The following CDH2 variants were observed in gnomAD, a reference collection of about 807,000 sequenced individuals.
CDH2 encodes the protein cadherin 2.
Under a neutral mutation model 92.0 loss-of-function variants are expected in CDH2, and 17 were observed. That is an observed-to-expected ratio of 0.18 (90% confidence interval 0.13 to 0.28). CDH2 has a LOEUF of 0.28. CDH2 is among the 10% of genes least tolerant of loss of function. The pLI, the probability that CDH2 is intolerant of heterozygous loss-of-function variation, is 1.00. For missense variants in CDH2, 862 were observed against 1,133.1 expected (o/e 0.76, Z 3.44); for synonymous variants, 419 against 415.9 (o/e 1.01, Z -0.09).
chr18:28,062,027 C>A (rs2014413609), intron 2 of CDH2, among the ~76,000 whole-genome samples: 2 of 152,172 alleles, frequency 1.3e-5, no homozygotes, highest in African/African-American at 4.8e-5. Context: ...GTACACAGCC[C>A]TCATTCCTTT....
chr18:28,002,010 T>C (rs1463607189), intron 7 of CDH2, among the ~76,000 whole-genome samples: 2 of 152,126 alleles, frequency 1.3e-5, no homozygotes, highest in African/African-American at 2.4e-5. Flanking sequence ...AAAGCACAGA[T>C]CTCCCTATGA....
At position 27,952,283 on chromosome 18, in the gene CDH2, C is replaced by T. The variant is rs200803866; in HGVS notation, c.2591G>A (p.Gly864Asp). 2.5e-6 allele frequency: 4 copies of T among 1,613,534 alleles called. No individual in the cohort carries two copies. The highest frequency in any genetic ancestry group is 1.6e-4 in the Middle Eastern group (1 of 6,080). The change falls in exon 16 of 16, where the codon GGC becomes GAC. Residue 864 changes from glycine to aspartate, a missense_variant. Physicochemically the swap from Gly to Asp is moderately conservative, Grantham distance 94. This residue lies in a region of CDH2 where 114 missense variants were observed against 144.8 expected (regional missense o/e 0.79). Coordinates refer to ENST00000269141, the MANE Select transcript of CDH2 (RefSeq NM_001792.5). Reference protein sequence around the residue: ...SLLVFDYEGSGSTAGSLSSLN... With the variant: ...SLLVFDYEGSDSTAGSLSSLN... ...GGAGCTCAAGGACCCAGCAGTGGAG[C>T]CACTGCCTTCATAGTCAAACACTAA...
intron 14 of CDH2, among the ~76,000 whole-genome samples, chr18:27,977,713 C>T (rs1287245545): frequency 6.6e-6 from 1 of 152,124 alleles, no homozygotes; most frequent in African/African-American, 2.4e-5. Context: ...ACTTTTAAAG[C>T]TCAATAAACA....
intron 2 of CDH2, among the ~76,000 whole-genome samples, chr18:28,068,389 A>G (rs1267784809): frequency 6.6e-6 from 1 of 152,138 alleles, no homozygotes; most frequent in Non-Finnish European, 1.5e-5. Flanking sequence ...AGAACTTGTC[A>G]GTACGCACTG....
intron 2 of CDH2, among the ~76,000 whole-genome samples, chr18:28,103,344 T>C (rs973727143): frequency 7.1e-6 from 1 of 141,722 alleles, no homozygotes; most frequent in East Asian, 2.0e-4. Context: ...TTTATATATA[T>C]AAAGTATATA....
chr18:28,173,054 T>C (rs1301724451), intron 1 of CDH2, among the ~76,000 whole-genome samples: 1 of 152,154 alleles, frequency 6.6e-6, no homozygotes, highest in East Asian at 1.9e-4. Flanking sequence ...TGGTGCTCTA[T>C]ACCATCATGA....
chr18:28,041,648 A>T (rs547482122), intron 2 of CDH2, among the ~76,000 whole-genome samples: 1 of 152,302 alleles, frequency 6.6e-6, no homozygotes, highest in South Asian at 2.1e-4. Context: ...CTTCTTTCAG[A>T]CGAATCATTC....
At position 27,992,718 on chromosome 18, in the gene CDH2, A is replaced by G. The variant is rs754190682; in HGVS notation, c.1281T>C (p.Pro427=). ...CGGTCTGGATGGCGAACCGTCCAGT[A>G]GGATCTCCGCCACTGATTCTGTACA... ...NAVYRISGGD[P]TGRFAIQTDP... is the part of the protein sequence containing the mutation. Residue 427 remains proline (P), a synonymous_variant, in exon 9 of 16, where the codon CCT becomes CCC. Coordinates refer to ENST00000269141, the MANE Select transcript of CDH2 (RefSeq NM_001792.5). The G allele has an allele frequency of 1.2e-6, 2 of 1,614,058 alleles. No individual in the cohort carries two copies. Among genetic ancestry groups the G allele is most frequent in the Admixed American group, 1.7e-5 (1 of 60,024 alleles).
At position 28,067,200 on chromosome 18, in the gene CDH2, C is replaced by CT. The variant is rs1357819304; in HGVS notation, c.173-53292dup. Among the ~76,000 whole-genome samples, 6 of 152,114 alleles carry CT rather than the reference C, an allele frequency of 3.9e-5. No individual in the cohort carries two copies. In the East Asian group the frequency reaches 1.2e-3, roughly 29 times the overall value. ...TTGGTTTATTTTCTAGTGTTACTGA[C>CT]TAACAGCTTTATTCAGATAATTCAC... On this transcript the variant is annotated intron_variant, in intron 2 of 15. Transcript: ENST00000269141.
intron 10 of CDH2, 71 bp from the exon 11 acceptor site, chr18:27,988,737 C>A: frequency 9.1e-7 from 1 of 1,100,260 alleles, no homozygotes. Flanking sequence ...AGGTTTAGTT[C>A]CAAATGCAAC....
chr18:28,071,245 T>G (rs911645670), intron 2 of CDH2, among the ~76,000 whole-genome samples: 2 of 152,140 alleles, frequency 1.3e-5, no homozygotes, highest in African/African-American at 4.8e-5. Context: ...TCTCTCTCTT[T>G]TTCCCCTTCT....
chr18:27,952,556 C>T (rs988926703), intron 15 of CDH2, among the ~76,000 whole-genome samples, 197 bp from the exon 16 acceptor site: 6 of 152,016 alleles, frequency 3.9e-5, no homozygotes, highest in African/African-American at 9.7e-5. Flanking sequence ...TATATCTTTC[C>T]GGTGCAAAGA....
intron 2 of CDH2, among the ~76,000 whole-genome samples, chr18:28,061,722 C>A (rs534484805): frequency 6.6e-6 from 1 of 152,318 alleles, no homozygotes; most frequent in South Asian, 2.1e-4. Context: ...GTTTAATTGA[C>A]TCACAGTTCA....
intron 6 of CDH2, among the ~76,000 whole-genome samples, chr18:27,945,932 G>T (rs917331256): frequency 6.6e-6 from 1 of 152,132 alleles, no homozygotes; most frequent in African/African-American, 2.4e-5. Flanking sequence ...TGAAGAGATG[G>T]ACATGCTACA....
At chr18:27,990,444 A>T in intron 9 of CDH2, 94 bp from the exon 10 acceptor site, 1 of 1,196,680 alleles carries the variant, frequency 8.4e-7, no homozygotes, top group Non-Finnish European at 1.2e-6. Context: ...CCAAAAAATT[A>T]ATTTCTTCAT....
chr18:28,131,953 A>T (rs2015778770), intron 2 of CDH2, among the ~76,000 whole-genome samples: 1 of 152,014 alleles, frequency 6.6e-6, no homozygotes. Context: ...AAAGGCCAGG[A>T]CTCGTCAGGC....
intron 2 of CDH2, among the ~76,000 whole-genome samples, chr18:28,080,363 A>C (rs900704981): frequency 1.3e-5 from 2 of 152,304 alleles, no homozygotes; most frequent in East Asian, 3.9e-4. Context: ...TTCAAAAAGA[A>C]ATTAAAATTC....
chr18:28,022,057 TCA>T (rs974728313), intron 2 of CDH2, among the ~76,000 whole-genome samples: 9 of 152,066 alleles, frequency 5.9e-5, no homozygotes, highest in African/African-American at 2.2e-4. Flanking sequence ...AGTAAGTGTT[TCA>T]CAGTGTTTTT....
At chr18:27,936,425 T>C (rs1230035785) in intron 6 of CDH2, among the ~76,000 whole-genome samples, 1 of 152,198 alleles carries the variant, frequency 6.6e-6, no homozygotes, top group Admixed American at 6.5e-5. Flanking sequence ...CTTTATTCTG[T>C]GAATCTGACT....
Sources: allele counts gnomAD v4.1 joint callset (sites outside exome capture counted in the v4.1 genomes callset), GRCh38; gene constraint gnomAD v4.1.1; regional missense constraint gnomAD v4.1.1; transcripts MANE v1.5; gene names NCBI Gene and HGNC (gene_info 2026-07-23, HGNC 2026-07-21).